Variants in CAPN1 observed in about 807,000 individuals in gnomAD.
CAPN1 encodes the protein calpain 1.
A neutral mutation model predicts 105.2 loss-of-function variants in CAPN1; 77 were observed. The ratio of observed to expected loss-of-function variants is 0.73; its 90% CI spans 0.61 to 0.88. CAPN1 has a LOEUF of 0.88. Among genes scored for constraint, CAPN1 ranks in the 40% least tolerant of loss-of-function variants. CAPN1 has a pLI of 0.00. For synonymous variants in CAPN1, 355 were observed against 388.8 expected (o/e 0.91, Z 1.02); for missense variants, 833 against 976.6 (o/e 0.85, Z 1.96).
At position 65,208,739 on chromosome 11, in the gene CAPN1, C is replaced by G; in HGVS notation, c.1729+477C>G. On this transcript the variant is annotated intron_variant, in intron 16 of 21. Coordinates refer to ENST00000279247, the MANE Select transcript of CAPN1 (RefSeq NM_005186.4). The surrounding 1 kb of genome is among the most constrained non-coding windows in gnomAD (Gnocchi z 4.1). ...AGGCTGCAGTGAGCTGTGATCACAT[C>G]AGTGCACTCCAGCCTGGGCAACAGA... The G allele has an allele frequency of 4.0e-6, 1 of 251,648 alleles. No individual in the cohort carries two copies. The highest frequency in any genetic ancestry group is 7.9e-6 in the Non-Finnish European group (1 of 127,266). 15.6% of individuals were successfully genotyped at this position (251,648 alleles called of 1,614,324 possible).
intron 4 of CAPN1, among the ~76,000 whole-genome samples, chr11:65,185,326 A>G (rs1299756455): frequency 6.6e-6 from 1 of 151,932 alleles, no homozygotes; most frequent in Non-Finnish European, 1.5e-5. Context: ...AGGGGGAGAA[A>G]AGGGGGCCTG....
In CAPN1 at chr11:65,206,571, C is replaced by T. The variant is rs769261600; in HGVS notation, c.1462C>T (p.Arg488Cys). ...CCTGCGAGAGGTCAGCACCCGCTTCCGCCTGCCACCCGGGGAGTATGTGGT... is the reference window on the plus strand; with the variant it reads ...CCTGCGAGAGGTCAGCACCCGCTTCTGCCTGCCACCCGGGGAGTATGTGGT... Reference protein sequence around the residue: ...INLREVSTRFRLPPGEYVVVP... With the variant: ...INLREVSTRFCLPPGEYVVVP... Residue 488 changes from arginine to cysteine, a missense_variant, in exon 13 of 22, where the codon CGC (arginine) becomes TGC (cysteine). By Grantham distance (180) the Arg-to-Cys change is radical. Coordinates refer to ENST00000279247, the MANE Select transcript of CAPN1 (RefSeq NM_005186.4). 2.5e-5 allele frequency: 41 copies of T among 1,613,360 alleles called. 1 individual carries two copies. In the African/African-American group the frequency reaches 2.7e-4, roughly 11 times the overall value.
chr11:65,187,398 C>T (rs1948650109), intron 7 of CAPN1, 100 bp downstream of exon 7: 2 of 730,758 alleles, frequency 2.7e-6, no homozygotes, highest in Middle Eastern at 2.7e-4. Context: ...GGTGCTGGCT[C>T]CTCCTTTCCC....
At chr11:65,186,845 T>C (rs1221579030) in intron 6 of CAPN1, among the ~76,000 whole-genome samples, 2 of 152,198 alleles carry the variant, frequency 1.3e-5, no homozygotes, top group African/African-American at 4.8e-5. Flanking sequence ...TAACTGACTC[T>C]TCTGTCCTCA....
At position 65,210,075 on chromosome 11, in the gene CAPN1, C is replaced by A. The variant is rs761777058; in HGVS notation, c.1921C>A (p.Arg641=). 1 of 1,612,646 alleles carries A rather than the reference C, an allele frequency of 6.2e-7. No homozygotes were observed. The highest frequency in any genetic ancestry group is 1.3e-5 in the African/African-American group (1 of 74,950). The part of the protein sequence containing the change: ...KSGSMSAYEM[R]MAIESAGFKL... ...GGGCAGCATGAGTGCCTACGAGATG[C>A]GGATGGCCATTGAGTCGGCAGGTGA... The change falls in exon 19 of 22, where the codon CGG becomes AGG. Residue 641 remains arginine (R), a synonymous_variant. Transcript: ENST00000279247. The surrounding 1 kb of genome is among the most constrained non-coding windows in gnomAD (Gnocchi z 4.3).
At position 65,186,310 on chromosome 11, in the gene CAPN1, G is replaced by A. The variant is rs763767864; in HGVS notation, c.731G>A (p.Arg244Gln). ...LYQIILKALE[R>Q]GSLLGCSIDI... ...CAGATCATCCTCAAGGCGCTGGAGC[G>A]GGGCTCCCTGCTGGGCTGCTCCATA... Residue 244 changes from arginine (R) to glutamine (Q), a missense_variant, in exon 6 of 22, where the codon CGG (arginine) becomes CAG (glutamine). Arg to Gln is a conservative substitution (Grantham distance 43). Coordinates refer to ENST00000279247, the MANE Select transcript of CAPN1 (RefSeq NM_005186.4). The A allele has an allele frequency of 8.5e-5, 137 of 1,612,896 alleles. No individual in the cohort carries two copies. The highest frequency in any genetic ancestry group is 1.0e-4 in the Non-Finnish European group (120 of 1,179,440).
rs1949035142 is a variant in CAPN1, at chr11:65,210,696, C to T, written c.2060-118C>T. 1 of 855,656 alleles carries T rather than the reference C, an allele frequency of 1.2e-6. No individual in the cohort carries two copies. The highest frequency in any genetic ancestry group is 2.0e-6 in the Non-Finnish European group (1 of 498,062). 53.0% of individuals were successfully genotyped at this position (855,656 alleles called of 1,614,324 possible). ...GAAGCTTCCCAGCTTCAAGGGGTGT[C>T]AGCTTGCGGTACTGTGGGGAGGTAG... On this transcript the variant is annotated intron_variant, in intron 20 of 21. Coordinates refer to ENST00000279247, the MANE Select transcript of CAPN1 (RefSeq NM_005186.4). The surrounding 1 kb of genome is among the most constrained non-coding windows in gnomAD (Gnocchi z 4.3).
rs1294384900 is a variant in CAPN1, at chr11:65,187,219, C to G, written c.764C>G (p.Ser255Cys). Residue 255 changes from serine to cysteine, a missense_variant, in exon 7 of 22, where the codon TCC becomes TGC. Physicochemically the swap from Ser to Cys is moderately radical, Grantham distance 112 (BLOSUM62 -1). Transcript: ENST00000279247. ...GSLLGCSIDI[S>C]SVLDMEAITF... ...AGTGTGTGCCTCTTTCTGCAGATCT[C>G]CAGCGTTCTAGACATGGAGGCCATC... 6.2e-7 allele frequency: 1 copy of G among 1,611,926 alleles called. No homozygotes were observed.
rs924065739 is a variant in CAPN1, at chr11:65,200,415, G to T, written c.1166-4268G>T. On this transcript the variant is annotated intron_variant, in intron 10 of 21. Transcript: ENST00000279247. ...GCTGGAGTGCAATGGTGTGATCTCG[G>T]CTCACTGCAACCTCTGCTCCCCAGG... 2.6e-5 allele frequency among the ~76,000 whole-genome samples: 4 copies of T among 152,014 alleles called. No homozygotes were observed. The South Asian group carries it at 8.3e-4, about 31-fold the overall frequency.
chr11:65,205,788 G>A (rs899484042), intron 12 of CAPN1, 67 bp downstream of exon 12: 6 of 1,466,106 alleles, frequency 4.1e-6, no homozygotes, highest in South Asian at 1.1e-5. Flanking sequence ...GAGCAACCCA[G>A]TGGCAAACCC....
Position 65,211,267 on chromosome 11 carries a change from A to C in CAPN1, c.2126A>C (p.Gln709Pro). The C allele has an allele frequency of 6.2e-7, 1 of 1,612,824 alleles. No homozygotes were observed. The highest frequency in any genetic ancestry group is 8.5e-7 in the Non-Finnish European group (1 of 1,179,794). Reference sequence around the variant, plus strand: ...CTGCCTGTTCTCCCGCAGTGGTTGCAGCTGACCATGTTTGCATGAGGCAGG... The same window carrying C: ...CTGCCTGTTCTCCCGCAGTGGTTGCCGCTGACCATGTTTGCATGAGGCAGG... ...VVTFDLFKWL[Q>P]LTMFA The change falls in exon 22 of 22, where the codon CAG becomes CCG. Residue 709 changes from glutamine to proline, a missense_variant. By Grantham distance (76) the Gln-to-Pro change is moderately conservative. Coordinates refer to ENST00000279247, the MANE Select transcript of CAPN1 (RefSeq NM_005186.4).
chr11:65,210,733 G>A lies in CAPN1; in HGVS notation c.2060-81G>A. The A allele has an allele frequency of 8.8e-7, 1 of 1,138,536 alleles. No individual in the cohort carries two copies. Among genetic ancestry groups the A allele is most frequent in the Non-Finnish European group, 1.3e-6 (1 of 746,586 alleles). The allele number at this position is 1,138,536 out of a possible 1,614,324, so 70.5% of individuals were successfully genotyped here. A position where few individuals can be genotyped will look rare whatever the true frequency, so the allele number is the denominator to read the frequency against. On this transcript the variant is annotated intron_variant, in intron 20 of 21. Transcript: ENST00000279247. The surrounding 1 kb of genome is among the most constrained non-coding windows in gnomAD (Gnocchi z 4.3). Reference sequence around the variant, plus strand: ...CTGTGGGGAGGTAGAGAGGGACCAGGCAGGAAGGGGGCCAGGCCTGGCCCT... The same window carrying A: ...CTGTGGGGAGGTAGAGAGGGACCAGACAGGAAGGGGGCCAGGCCTGGCCCT...
Position 65,209,908 on chromosome 11 carries a change from G to A in CAPN1, c.1854G>A (p.Arg618=), listed in dbSNP as rs1949018779. The A allele has an allele frequency of 6.2e-7, 1 of 1,613,698 alleles. No homozygotes were observed. Among genetic ancestry groups the A allele is most frequent in the Non-Finnish European group, 8.5e-7 (1 of 1,179,866 alleles). The change falls in exon 18 of 22, where the codon CGG becomes CGA. Residue 618 remains arginine (R), a synonymous_variant. Transcript: ENST00000279247. The surrounding 1 kb of genome is among the most constrained non-coding windows in gnomAD (Gnocchi z 4.1). ...VEFNILWNRI[R]NYLSIFRKFD... is the part of the protein sequence containing the mutation. ...TCAACATCCTGTGGAACCGCATCCGGAATTACCTGGTAGGTTGTCCCCACT... is the reference window on the plus strand; with the variant it reads ...TCAACATCCTGTGGAACCGCATCCGAAATTACCTGGTAGGTTGTCCCCACT...
At chr11:65,184,926 A>C (rs751336456) in intron 4 of CAPN1, among the ~76,000 whole-genome samples, 1 of 152,168 alleles carries the variant, frequency 6.6e-6, no homozygotes, top group Non-Finnish European at 1.5e-5. Flanking sequence ...CTCAGAGGCG[A>C]TAACTTTTCC....
chr11:65,182,537 G>A (rs1948554362), intron 1 of CAPN1, 164 bp from the exon 2 acceptor site: 2 of 665,362 alleles, frequency 3.0e-6, no homozygotes, highest in Non-Finnish European at 2.4e-6. Flanking sequence ...TGGGAGCACC[G>A]GGAGGTGGCT....
intron 10 of CAPN1, among the ~76,000 whole-genome samples, chr11:65,190,656 GGC>G (rs1173337044): frequency 1.3e-5 from 2 of 152,050 alleles, no homozygotes; most frequent in African/African-American, 4.8e-5. Flanking sequence ...TGTTGGACAG[GGC>G]AAATTCCTTC....
chr11:65,188,857 T>G lies in CAPN1; in HGVS notation c.1165+111T>G. On this transcript the variant is annotated intron_variant, in intron 10 of 21. Coordinates refer to ENST00000279247, the MANE Select transcript of CAPN1 (RefSeq NM_005186.4). The surrounding 1 kb of genome is among the most constrained non-coding windows in gnomAD (Gnocchi z 5.5). ...CACTTGCAAGATATAGGCTGATCTC[T>G]TGAATTTGCTTTGAGGAGTAAAATA... 1.1e-6 allele frequency: 1 copy of G among 901,330 alleles called. No individual in the cohort carries two copies. The highest frequency in any genetic ancestry group is 1.7e-6 in the Non-Finnish European group (1 of 603,756). 55.8% of individuals were successfully genotyped at this position (901,330 alleles called of 1,614,324 possible).
At chr11:65,196,763 A>T (rs942259975) in intron 10 of CAPN1, among the ~76,000 whole-genome samples, 63 of 152,324 alleles carry the variant, frequency 4.1e-4, no homozygotes, top group Non-Finnish European at 7.3e-4. Flanking sequence ...AACATAAAAA[A>T]ATTTCTAACT....
chr11:65,195,865 T>C (rs1295376233), intron 10 of CAPN1, among the ~76,000 whole-genome samples: 1 of 152,182 alleles, frequency 6.6e-6, no homozygotes, highest in Non-Finnish European at 1.5e-5. Flanking sequence ...TGGACATTTC[T>C]TTGGTGAGAA....
Sources: allele counts gnomAD v4.1 joint callset (sites outside exome capture counted in the v4.1 genomes callset), GRCh38; gene constraint gnomAD v4.1.1; non-coding constraint Gnocchi (gnomAD v3.1); transcripts MANE v1.5; gene names NCBI Gene and HGNC (gene_info 2026-07-23, HGNC 2026-07-21).